Variants in DPYD observed in about 807,000 individuals in gnomAD.
The protein encoded by DPYD is dihydropyrimidine dehydrogenase, also known as dihydropyrimidine dehydrogenase [NADP(+)].
Under a neutral mutation model 116.2 loss-of-function variants are expected in DPYD, and 109 were observed. The ratio of observed to expected loss-of-function variants is 0.94; its 90% CI spans 0.80 to 1.10. DPYD has a LOEUF of 1.10. Ranked by LOEUF, DPYD falls within the 50% of genes least tolerant of loss-of-function variation. The pLI is 0.00. For synonymous variants in DPYD, 440 were observed against 432.0 expected, an observed-to-expected ratio of 1.02 and a Z score of -0.23; for missense variants, 1,302 against 1,254.5, an observed-to-expected ratio of 1.04 and a Z score of -0.57.
chr1:97,821,732 T>A (rs1668950421), intron 3 of DPYD, among the ~76,000 whole-genome samples: 1 of 152,218 alleles, frequency 6.6e-6, no homozygotes, highest in Non-Finnish European at 1.5e-5. Flanking sequence ...TGCAGTGAAC[T>A]TCTCCATTGA....
At position 97,829,357 on chromosome 1, in the gene DPYD, T is replaced by C. The variant is rs555729787; in HGVS notation, c.151-1161A>G. On this transcript the variant is annotated intron_variant, in intron 2 of 22. Coordinates refer to ENST00000370192, the MANE Select transcript of DPYD (RefSeq NM_000110.4). ...CTAAGTCAAATTAAGGCAAAGATCCTTTTAACAAACACACACAGTTATATG... is the reference window on the plus strand; with the variant it reads ...CTAAGTCAAATTAAGGCAAAGATCCCTTTAACAAACACACACAGTTATATG... Among the ~76,000 whole-genome samples the C allele has an allele frequency of 7.9e-5, 12 of 152,228 alleles. No homozygotes were observed. In the South Asian group the frequency reaches 2.5e-3, roughly 32 times the overall value.
At chr1:97,713,867 T>C (rs567059135) in intron 5 of DPYD, among the ~76,000 whole-genome samples, 1 of 152,254 alleles carries the variant, frequency 6.6e-6, no homozygotes, top group African/African-American at 2.4e-5. Flanking sequence ...AGAAATCCCA[T>C]TTAAAGTGAT....
intron 1 of DPYD, among the ~76,000 whole-genome samples, chr1:97,903,415 T>C (rs1558043308): frequency 6.6e-6 from 1 of 151,886 alleles, no homozygotes; most frequent in African/African-American, 2.4e-5. Flanking sequence ...ATGTAAATGG[T>C]GTTTCTCACA....
chr1:97,771,519 A>G (rs1666142268), intron 3 of DPYD, among the ~76,000 whole-genome samples: 2 of 152,244 alleles, frequency 1.3e-5, no homozygotes, highest in Non-Finnish European at 1.5e-5. Flanking sequence ...GCATATTTTT[A>G]CTGTAAAGCA....
chr1:97,727,642 T>C (rs1278130662), intron 4 of DPYD, among the ~76,000 whole-genome samples: 1 of 151,750 alleles, frequency 6.6e-6, no homozygotes, highest in African/African-American at 2.4e-5. Context: ...TGAACCAATA[T>C]TAAGCAATGA....
At chr1:97,589,035 T>TA (rs1447626117) in intron 10 of DPYD, among the ~76,000 whole-genome samples, 1 of 152,084 alleles carries the variant, frequency 6.6e-6, no homozygotes, top group Non-Finnish European at 1.5e-5. Context: ...ACCCCAGACT[T>TA]ACTGAATCAG....
intron 10 of DPYD, among the ~76,000 whole-genome samples, chr1:97,582,486 C>CTCAT (rs1032696216): frequency 5.9e-5 from 9 of 152,286 alleles, no homozygotes; most frequent in African/African-American, 2.2e-4. Flanking sequence ...CACACTTGAT[C>CTCAT]TCATATTCTT....
At chr1:97,688,560 C>T (rs899744858) in intron 7 of DPYD, among the ~76,000 whole-genome samples, 1 of 151,822 alleles carries the variant, frequency 6.6e-6, no homozygotes, top group African/African-American at 2.4e-5. Context: ...AAAGATGTCT[C>T]AAGATAATAT....
intron 3 of DPYD, among the ~76,000 whole-genome samples, chr1:97,812,474 G>A (rs925794426): frequency 2.0e-5 from 3 of 152,056 alleles, no homozygotes; most frequent in Admixed American, 1.3e-4. Flanking sequence ...ATTTATGTAT[G>A]TCTTCAAACA....
intron 20 of DPYD, among the ~76,000 whole-genome samples, chr1:97,159,133 G>T (rs1002048702): frequency 6.6e-6 from 1 of 151,964 alleles, no homozygotes; most frequent in Non-Finnish European, 1.5e-5. Context: ...AGAATTAGAG[G>T]TCAAGGATTT....
At chr1:97,555,234 C>G (rs913389887) in intron 11 of DPYD, among the ~76,000 whole-genome samples, 72 of 152,026 alleles carry the variant, frequency 4.7e-4, no homozygotes, top group Admixed American at 1.4e-3. Context: ...TGGGCTCTAG[C>G]CCCTCTTCAC....
At chr1:97,793,882 TAAC>T (rs1312585892) in intron 3 of DPYD, among the ~76,000 whole-genome samples, 4 of 152,172 alleles carry the variant, frequency 2.6e-5, no homozygotes, top group Admixed American at 1.3e-4. Flanking sequence ...TCATCAAAAA[TAAC>T]AATTTCTGTT....
chr1:97,257,722 C>A (rs780698025), intron 18 of DPYD, among the ~76,000 whole-genome samples: 11 of 151,826 alleles, frequency 7.2e-5, no homozygotes, highest in Non-Finnish European at 1.6e-4. Context: ...CAAATATTTT[C>A]ATTCATTAAA....
intron 20 of DPYD, among the ~76,000 whole-genome samples, chr1:97,122,072 T>C (rs149015030): frequency 9.9e-5 from 15 of 152,168 alleles, no homozygotes; most frequent in Admixed American, 1.3e-4. Context: ...AGAGATGAGA[T>C]AAATGGCATT....
At chr1:97,136,053 G>C (rs1451890823) in intron 20 of DPYD, among the ~76,000 whole-genome samples, 2 of 152,144 alleles carry the variant, frequency 1.3e-5, no homozygotes, top group Non-Finnish European at 2.9e-5. Context: ...ATTCCCAGAA[G>C]TAGCGAGCTG....
chr1:97,384,095 C>T (rs113268957), intron 14 of DPYD, among the ~76,000 whole-genome samples: 117 of 151,968 alleles, frequency 7.7e-4, no homozygotes, highest in African/African-American at 2.5e-3. Context: ...GGCAACAGAG[C>T]GAGATTCTAT....
chr1:97,312,994 T>C (rs1321659992), intron 16 of DPYD, among the ~76,000 whole-genome samples: 9 of 151,940 alleles, frequency 5.9e-5, no homozygotes, highest in Admixed American at 5.9e-4. Flanking sequence ...CAAATATTTA[T>C]TGACCATGAG....
intron 19 of DPYD, among the ~76,000 whole-genome samples, chr1:97,210,475 C>T (rs1259026137): frequency 2.6e-5 from 4 of 152,024 alleles, no homozygotes; most frequent in South Asian, 2.1e-4. Flanking sequence ...ATTCATTGGT[C>T]GAGACTTACA....
chr1:97,716,128 G>A (rs1291067140), intron 5 of DPYD, among the ~76,000 whole-genome samples: 2 of 151,980 alleles, frequency 1.3e-5, no homozygotes, highest in South Asian at 2.1e-4. Context: ...GTTCTCTAAT[G>A]TAGTCTCATA....
Sources: gnomAD v4.1 joint callset for allele counts (sites outside exome capture counted in the v4.1 genomes callset) on GRCh38, gnomAD v4.1.1 for gene constraint, MANE v1.5 for transcripts, NCBI Gene and HGNC (gene_info 2026-07-23, HGNC 2026-07-21) for gene names.